The following FBXO4 variants were observed in gnomAD, a reference collection of about 807,000 sequenced individuals.
FBXO4 encodes F-box protein 4, also known as F-box only protein 4.
A neutral mutation model predicts 43.7 loss-of-function variants in FBXO4; 36 were observed. The ratio of observed to expected loss-of-function variants is 0.82; its 90% CI spans 0.63 to 1.09. FBXO4 has a LOEUF of 1.09. Among genes scored for constraint, FBXO4 ranks in the 50% least tolerant of loss-of-function variants. The pLI, the probability that FBXO4 is intolerant of heterozygous loss-of-function variation, is 0.00. For synonymous variants in FBXO4, 180 were observed against 165.6 expected (o/e 1.09, Z -0.67); for missense variants, 435 against 474.1 (o/e 0.92, Z 0.77).
chr5:42,014,760 G>T, the FBXO4 span, among the ~76,000 whole-genome samples: 15 of 152,046 alleles, frequency 9.9e-5, no homozygotes, highest in African/African-American at 3.6e-4. Context: ...TGAGATCAGG[G>T]ATATAAGCTT....
chr5:41,955,610 C>G, the FBXO4 span, among the ~76,000 whole-genome samples: 1 of 152,282 alleles, frequency 6.6e-6, no homozygotes, highest in South Asian at 2.1e-4. Flanking sequence ...AACTGGGGAT[C>G]TGACGAGGCC....
At chr5:42,005,703 T>G in the FBXO4 span, among the ~76,000 whole-genome samples, 12 of 152,238 alleles carry the variant, frequency 7.9e-5, no homozygotes, top group African/African-American at 2.9e-4. Flanking sequence ...GTACAGAAGT[T>G]GATCAAATCT....
downstream of FBXO4, among the ~76,000 whole-genome samples, chr5:41,943,124 C>T (rs757977429): frequency 7.2e-4 from 109 of 152,026 alleles, no homozygotes; most frequent in Admixed American, 1.8e-3. Context: ...TAATTCAAGT[C>T]CATATCATGG....
At chr5:41,965,209 T>C in the FBXO4 span, among the ~76,000 whole-genome samples, 1 of 152,202 alleles carries the variant, frequency 6.6e-6, no homozygotes, top group Non-Finnish European at 1.5e-5. Flanking sequence ...TGCAGCATTA[T>C]TTCTGAGGGC....
At chr5:41,950,655 T>G in the FBXO4 span, among the ~76,000 whole-genome samples, 1 of 152,198 alleles carries the variant, frequency 6.6e-6, no homozygotes, top group African/African-American at 2.4e-5. Context: ...GACAGTGTGG[T>G]GATTTCTCAA....
At chr5:41,962,022 C>T in the FBXO4 span, among the ~76,000 whole-genome samples, 11 of 152,150 alleles carry the variant, frequency 7.2e-5, no homozygotes, top group East Asian at 3.9e-4. Flanking sequence ...ATTTTTGCTC[C>T]ACTCTGTTGC....
the FBXO4 span, among the ~76,000 whole-genome samples, chr5:41,953,967 A>G: frequency 2.6e-5 from 4 of 152,228 alleles, no homozygotes; most frequent in Admixed American, 6.5e-5. Context: ...TAAGTAAACT[A>G]GCATTCTGGA....
At chr5:42,014,946 A>C in the FBXO4 span, among the ~76,000 whole-genome samples, 4 of 152,188 alleles carry the variant, frequency 2.6e-5, no homozygotes, top group Non-Finnish European at 5.9e-5. Flanking sequence ...GAAAAATACA[A>C]AAATATTATT....
chr5:41,939,310 G>A, intron 5 of FBXO4, 131 bp from the exon 6 acceptor site: 1 of 765,584 alleles, frequency 1.3e-6, no homozygotes, highest in Non-Finnish European at 2.1e-6. Flanking sequence ...AGAGTACTGT[G>A]ATTTTTTTCC....
chr5:41,950,012 A>G, the FBXO4 span, among the ~76,000 whole-genome samples: 2 of 152,214 alleles, frequency 1.3e-5, no homozygotes, highest in Non-Finnish European at 2.9e-5. Flanking sequence ...GGCTAGCTGT[A>G]TGTAGAAAGC....
At chr5:41,954,183 T>C in the FBXO4 span, among the ~76,000 whole-genome samples, 1 of 152,006 alleles carries the variant, frequency 6.6e-6, no homozygotes. Flanking sequence ...GAGGAAGAAA[T>C]GCCTAAATTT....
chr5:41,962,830 A>G, the FBXO4 span, among the ~76,000 whole-genome samples: 1 of 152,188 alleles, frequency 6.6e-6, no homozygotes, highest in Non-Finnish European at 1.5e-5. Flanking sequence ...TCATCATGCC[A>G]TCCCACACTT....
the FBXO4 span, among the ~76,000 whole-genome samples, chr5:42,017,603 C>A: frequency 6.7e-6 from 1 of 149,240 alleles, no homozygotes; most frequent in South Asian, 2.2e-4. Flanking sequence ...TCCTGCCCCC[C>A]TCTAGTAGTC....
chr5:41,987,362 G>A, the FBXO4 span, among the ~76,000 whole-genome samples: 1 of 152,084 alleles, frequency 6.6e-6, no homozygotes, highest in Non-Finnish European at 1.5e-5. Flanking sequence ...CCTAACCTGG[G>A]AAGTTAAATA....
At chr5:41,949,066 AAAT>A in the FBXO4 span, among the ~76,000 whole-genome samples, 2 of 152,202 alleles carry the variant, frequency 1.3e-5, no homozygotes, top group Admixed American at 6.5e-5. Context: ...ACATATCTCA[AAAT>A]AATAAGAGCT....
chr5:41,952,906 T>C, the FBXO4 span, among the ~76,000 whole-genome samples: 6 of 152,244 alleles, frequency 3.9e-5, no homozygotes, highest in Non-Finnish European at 7.4e-5. Flanking sequence ...GCTAAAGTTT[T>C]TCCTCTCATT....
the FBXO4 span, among the ~76,000 whole-genome samples, chr5:42,034,134 T>C: frequency 2.4e-4 from 36 of 152,222 alleles, no homozygotes; most frequent in Non-Finnish European, 4.0e-4. Context: ...GCTTTTTTTT[T>C]CATGTTTGTT....
chr5:41,985,943 A>C, the FBXO4 span, among the ~76,000 whole-genome samples: 6 of 152,144 alleles, frequency 3.9e-5, no homozygotes, highest in Non-Finnish European at 8.8e-5. Context: ...AAAAATAGAG[A>C]AAATAAGCCA....
chr5:42,030,802 T>G, the FBXO4 span, among the ~76,000 whole-genome samples: 1 of 152,104 alleles, frequency 6.6e-6, no homozygotes, highest in African/African-American at 2.4e-5. Context: ...GTGAGGGATA[T>G]GAACAGACAC....
Sources: allele counts gnomAD v4.1 joint callset (sites outside exome capture counted in the v4.1 genomes callset), GRCh38; gene constraint gnomAD v4.1.1; transcripts MANE v1.5; gene names NCBI Gene and HGNC (gene_info 2026-07-23, HGNC 2026-07-21).